Variants in MTUS2 observed in about 807,000 individuals in gnomAD.
MTUS2 encodes the protein microtubule-associated tumor suppressor candidate 2.
A neutral mutation model predicts 114.1 loss-of-function variants in MTUS2; 40 were observed. The ratio of observed to expected loss-of-function variants is 0.35; its 90% CI spans 0.27 to 0.46. MTUS2 has a LOEUF of 0.46. Ranked by LOEUF, MTUS2 falls within the 20% of genes least tolerant of loss-of-function variation. The probability of loss-of-function intolerance (pLI) is 1.00; values close to 1 mark genes in which losing one functional copy is unlikely to be tolerated. For synonymous variants in MTUS2, 688 were observed against 672.0 expected, an observed-to-expected ratio of 1.02 and a Z score of -0.37; for missense variants, 1,679 against 1,705.4, an observed-to-expected ratio of 0.98 and a Z score of 0.27.
intron 5 of MTUS2, among the ~76,000 whole-genome samples, chr13:29,184,348 T>A (rs971705314): frequency 2.6e-5 from 4 of 152,238 alleles, no homozygotes; most frequent in African/African-American, 9.6e-5. Context: ...TGATTTTTTT[T>A]AACCAGCAAT....
At chr13:29,243,097 A>G (rs977045329) in intron 5 of MTUS2, among the ~76,000 whole-genome samples, 3 of 152,242 alleles carry the variant, frequency 2.0e-5, no homozygotes, top group Admixed American at 6.5e-5. Context: ...GAAATTTTCA[A>G]CGGGTATTTG....
intron 5 of MTUS2, among the ~76,000 whole-genome samples, chr13:29,211,815 C>G (rs868103234): frequency 0.071 from 10,717 of 150,418 alleles, 76 homozygotes; most frequent in Non-Finnish European, 0.1. Context: ...GAGCCCGCAG[C>G]AACAAGCCAC....
intron 2 of MTUS2, among the ~76,000 whole-genome samples, chr13:28,879,234 A>G (rs1008144552): frequency 6.6e-6 from 1 of 152,090 alleles, no homozygotes; most frequent in African/African-American, 2.4e-5. Context: ...TCAGATGGAT[A>G]GATTGCAAAA....
intron 8 of MTUS2, among the ~76,000 whole-genome samples, chr13:29,379,382 G>A (rs1289202103): frequency 1.3e-5 from 2 of 152,180 alleles, no homozygotes; most frequent in East Asian, 3.9e-4. Context: ...GGGGCTGGGG[G>A]AGCCATTAGA....
At chr13:29,428,248 C>A (rs1258066233) in intron 8 of MTUS2, among the ~76,000 whole-genome samples, 1 of 152,240 alleles carries the variant, frequency 6.6e-6, no homozygotes, top group Non-Finnish European at 1.5e-5. Flanking sequence ...GGAGGAGAGG[C>A]CATATACATC....
At chr13:29,201,008 G>T (rs1444474926) in intron 5 of MTUS2, among the ~76,000 whole-genome samples, 4 of 152,170 alleles carry the variant, frequency 2.6e-5, no homozygotes, top group African/African-American at 9.7e-5. Context: ...GGAGAGTTCT[G>T]TGGATGTCTA....
intron 2 of MTUS2, among the ~76,000 whole-genome samples, chr13:28,878,275 ATG>A (rs10589848): frequency 6.6e-6 from 1 of 151,614 alleles, no homozygotes; most frequent in Non-Finnish European, 1.5e-5. Context: ...ATGTGTATAT[ATG>A]TGTGTGTATG....
chr13:29,454,662 C>G (rs1418276332), intron 9 of MTUS2, among the ~76,000 whole-genome samples: 2 of 152,204 alleles, frequency 1.3e-5, no homozygotes, highest in Non-Finnish European at 2.9e-5. Flanking sequence ...TACACTTGAT[C>G]AATTTTAGAA....
intron 2 of MTUS2, among the ~76,000 whole-genome samples, chr13:28,976,885 A>C (rs1472102865): frequency 6.6e-6 from 1 of 152,218 alleles, no homozygotes; most frequent in Non-Finnish European, 1.5e-5. Flanking sequence ...GACTGTACAA[A>C]ACAAATTTGC....
chr13:29,483,628 G>A (rs551430992), intron 10 of MTUS2, among the ~76,000 whole-genome samples: 2 of 152,342 alleles, frequency 1.3e-5, no homozygotes, highest in Non-Finnish European at 2.9e-5. Context: ...CTGCTGGCTC[G>A]AGTTAAGGAC....
At chr13:28,958,207 A>G (rs977720964) in intron 2 of MTUS2, among the ~76,000 whole-genome samples, 1 of 152,230 alleles carries the variant, frequency 6.6e-6, no homozygotes, top group Non-Finnish European at 1.5e-5. Context: ...CTCCCAGCCT[A>G]TCTGTGATCT....
intron 9 of MTUS2, among the ~76,000 whole-genome samples, chr13:29,461,419 G>T (rs1879483139): frequency 6.6e-6 from 1 of 152,110 alleles, no homozygotes; most frequent in Non-Finnish European, 1.5e-5. Context: ...TCATTTAAAG[G>T]GTTTTATTTT....
At chr13:28,910,407 AGATGTGTAG>A (rs1880338806) in intron 2 of MTUS2, among the ~76,000 whole-genome samples, 1 of 151,996 alleles carries the variant, frequency 6.6e-6, no homozygotes, top group Non-Finnish European at 1.5e-5. Flanking sequence ...GTTCCAGGGA[AGATGTGTAG>A]GATGTTCAGG....
At chr13:28,955,169 T>A (rs970981863) in intron 2 of MTUS2, among the ~76,000 whole-genome samples, 2 of 152,192 alleles carry the variant, frequency 1.3e-5, no homozygotes, top group Non-Finnish European at 2.9e-5. Context: ...TTTACCCACA[T>A]GTTACATCTG....
chr13:29,042,896 G>T (rs1039232577), intron 4 of MTUS2, among the ~76,000 whole-genome samples: 4 of 151,784 alleles, frequency 2.6e-5, no homozygotes, highest in Admixed American at 6.6e-5. Context: ...TATCAATTTT[G>T]TCTATCTTTT....
chr13:28,890,995 A>C (rs375786925), intron 2 of MTUS2, among the ~76,000 whole-genome samples: 1 of 152,208 alleles, frequency 6.6e-6, no homozygotes, highest in African/African-American at 2.4e-5. Context: ...AATTGAAGAA[A>C]GCTGTCATGT....
At chr13:29,081,652 A>G (rs898328500) in intron 4 of MTUS2, among the ~76,000 whole-genome samples, 1 of 151,982 alleles carries the variant, frequency 6.6e-6, no homozygotes. Context: ...CTAATAGATA[A>G]GGAGTGTCTT....
intron 1 of MTUS2, among the ~76,000 whole-genome samples, chr13:28,831,018 A>C (rs1002265304): frequency 6.6e-6 from 1 of 152,208 alleles, no homozygotes; most frequent in Non-Finnish European, 1.5e-5. Context: ...AGAAATATTA[A>C]AGGTAATCTT....
chr13:29,165,657 G>A (rs1893286649), intron 5 of MTUS2, among the ~76,000 whole-genome samples: 1 of 152,178 alleles, frequency 6.6e-6, no homozygotes, highest in African/African-American at 2.4e-5. Context: ...ATGTTTTGAT[G>A]CAGTAGACGA....
Sources: allele counts gnomAD v4.1 joint callset (sites outside exome capture counted in the v4.1 genomes callset), GRCh38; gene constraint gnomAD v4.1.1; transcripts MANE v1.5; gene names NCBI Gene and HGNC (gene_info 2026-07-23, HGNC 2026-07-21).